The following UMODL1 variants were observed in gnomAD, a reference collection of about 807,000 sequenced individuals.
UMODL1 encodes the protein uromodulin-like 1.
Under a neutral mutation model 136.3 loss-of-function variants are expected in UMODL1, and 128 were observed. The ratio of observed to expected loss-of-function variants is 0.94; its 90% CI spans 0.81 to 1.09. The LOEUF is 1.09. UMODL1 is among the 50% of genes least tolerant of loss of function. The pLI, the probability that UMODL1 is intolerant of heterozygous loss-of-function variation, is 0.00. For synonymous variants in UMODL1, 721 were observed against 720.0 expected (o/e 1.00, Z -0.02); for missense variants, 1,766 against 1,725.6 (o/e 1.02, Z -0.41).
At chr21:42,116,077 G>T in intron 14 of UMODL1, 92 bp downstream of exon 14, 2 of 962,334 alleles carry the variant, frequency 2.1e-6, no homozygotes, top group Non-Finnish European at 3.1e-6. Flanking sequence ...GCTCACCCCT[G>T]TAATCCTAGC....
chr21:42,064,175 G>A (rs1004202512), intron 1 of UMODL1, among the ~76,000 whole-genome samples: 10 of 152,256 alleles, frequency 6.6e-5, no homozygotes, highest in East Asian at 1.9e-4. Flanking sequence ...TCTGCCGGCC[G>A]TGCCTCTGCA....
intron 7 of UMODL1, 100 bp from the exon 8 acceptor site, chr21:42,102,064 TAA>T: frequency 1.2e-6 from 1 of 809,378 alleles, no homozygotes; most frequent in Non-Finnish European, 2.0e-6. Flanking sequence ...CTCAATCTAT[TAA>T]AAAAAATTAT....
intron 6 of UMODL1, among the ~76,000 whole-genome samples, chr21:42,098,596 G>A (rs938141465): frequency 9.4e-5 from 14 of 149,590 alleles, no homozygotes; most frequent in African/African-American, 2.7e-4. Flanking sequence ...GTGAAACCCC[G>A]TCTCTACTAA....
chr21:42,089,965 G>A (rs1330807214), intron 5 of UMODL1, among the ~76,000 whole-genome samples: 4 of 152,172 alleles, frequency 2.6e-5, no homozygotes, highest in African/African-American at 4.8e-5. Flanking sequence ...TTTACTTTAC[G>A]CTTGGGGTGG....
intron 2 of UMODL1, among the ~76,000 whole-genome samples, chr21:42,077,026 TG>T: frequency 7.9e-6 from 1 of 125,832 alleles, no homozygotes; most frequent in African/African-American, 4.4e-5. Context: ...TGTGTGTGTG[TG>T]TGTGTGTGTG....
intron 2 of UMODL1, 86 bp from the exon 3 acceptor site, chr21:42,083,998 C>G (rs1290726228): frequency 1.1e-5 from 17 of 1,509,350 alleles, no homozygotes; most frequent in African/African-American, 1.4e-5. Flanking sequence ...AATTCAGCAC[C>G]AGGAAGCACC....
At chr21:42,128,473 G>T (rs759023490) in intron 20 of UMODL1, among the ~76,000 whole-genome samples, 38 of 149,512 alleles carry the variant, frequency 2.5e-4, no homozygotes, top group Non-Finnish European at 3.5e-4. Flanking sequence ...TCTCTCCTCG[G>T]AGGTAGTGCT....
chr21:42,076,280 C>T (rs376125824), intron 2 of UMODL1, 33 bp downstream of exon 2: 1 of 1,609,534 alleles, frequency 6.2e-7, no homozygotes, highest in East Asian at 2.2e-5. Context: ...GGGGCGGGGC[C>T]ACCCTTGCCG....
chr21:42,090,270 G>A lies in UMODL1; in HGVS notation c.791-28G>A, dbSNP rs190035789. On this transcript the variant is annotated intron_variant, in intron 5 of 22. Coordinates refer to ENST00000408910, the MANE Select transcript of UMODL1 (RefSeq NM_001004416.3). ...ATGACGAGGTAGCTGCGACTGCTGA[G>A]TGTGGGTCCTGCTCTCCTTCCCTGT... The A allele has an allele frequency of 1.4e-5, 23 of 1,613,760 alleles. No individual in the cohort carries two copies. In the Admixed American group the frequency reaches 3.5e-4, roughly 25 times the overall value.
chr21:42,111,405 C>G (rs1360416558), intron 11 of UMODL1, 101 bp from the exon 12 acceptor site: 1 of 1,613,418 alleles, frequency 6.2e-7, no homozygotes, highest in South Asian at 1.1e-5. Context: ...CATAGGAACA[C>G]TATCGGGGTG....
chr21:42,063,689 A>G (rs1367437124), intron 1 of UMODL1, among the ~76,000 whole-genome samples: 1 of 152,156 alleles, frequency 6.6e-6, no homozygotes, highest in Non-Finnish European at 1.5e-5. Context: ...GCACGCAAGG[A>G]GCTATCGTGA....
At chr21:42,089,485 G>A (rs981448025) in intron 5 of UMODL1, among the ~76,000 whole-genome samples, 5 of 152,260 alleles carry the variant, frequency 3.3e-5, no homozygotes, top group African/African-American at 7.2e-5. Context: ...GACCAGTTGA[G>A]TTTATTATTC....
chr21:42,073,291 C>T (rs144239699), intron 1 of UMODL1, among the ~76,000 whole-genome samples: 1 of 152,336 alleles, frequency 6.6e-6, no homozygotes, highest in African/African-American at 2.4e-5. Context: ...TCCTTCCGGC[C>T]ATATTCCACC....
At chr21:42,090,850 T>C (rs539641803) in intron 6 of UMODL1, among the ~76,000 whole-genome samples, 1 of 152,380 alleles carries the variant, frequency 6.6e-6, no homozygotes, top group African/African-American at 2.4e-5. Context: ...TAGAAGTAAT[T>C]CCAAGAACAG....
chr21:42,127,792 C>A lies in UMODL1; in HGVS notation c.3651C>A (p.Leu1217=). 1 of 1,614,122 alleles carries A rather than the reference C, an allele frequency of 6.2e-7. No homozygotes were observed. The highest frequency in any genetic ancestry group is 1.1e-5 in the South Asian group (1 of 91,026). ...NDSIVYLHCK[L]RVCMESPGAT... The stretch of plus-strand genomic sequence containing the variant: ...CCATCGTCTACCTGCACTGCAAACT[C>A]CGCGTCTGCATGGAATCCCCCGGAG... Residue 1217 remains leucine (L), a synonymous_variant, in exon 20 of 23, where the codon CTC becomes CTA. Transcript: ENST00000408910.
At chr21:42,129,539 C>T (rs546618882) in intron 20 of UMODL1, among the ~76,000 whole-genome samples, 174 bp from the exon 21 acceptor site, 31 of 152,334 alleles carry the variant, frequency 2.0e-4, no homozygotes, top group African/African-American at 7.5e-4. Flanking sequence ...CCAGGACCCA[C>T]CACCCTGGTC....
At chr21:42,124,501 T>C (rs1331590223) in intron 17 of UMODL1, among the ~76,000 whole-genome samples, 3 of 152,122 alleles carry the variant, frequency 2.0e-5, no homozygotes, top group East Asian at 3.9e-4. Context: ...CTGGAAACCA[T>C]GGCGGAGTTA....
intron 21 of UMODL1, among the ~76,000 whole-genome samples, chr21:42,133,365 A>G (rs899027194): frequency 1.3e-5 from 2 of 152,214 alleles, no homozygotes; most frequent in Non-Finnish European, 2.9e-5. Context: ...CTAAGCTCAC[A>G]CAGCTGGTAC....
chr21:42,089,689 T>A (rs2066467617), intron 5 of UMODL1, among the ~76,000 whole-genome samples: 1 of 152,246 alleles, frequency 6.6e-6, no homozygotes, highest in South Asian at 2.1e-4. Flanking sequence ...TCAATACATC[T>A]AAGCAAAAGA....
Sources: gnomAD v4.1 joint callset for allele counts (sites outside exome capture counted in the v4.1 genomes callset) on GRCh38, gnomAD v4.1.1 for gene constraint, MANE v1.5 for transcripts, NCBI Gene and HGNC (gene_info 2026-07-23, HGNC 2026-07-21) for gene names.